NIN: variants seen among roughly 807,000 people sequenced by gnomAD.
The protein encoded by NIN is ninein.
Under a neutral mutation model 257.6 loss-of-function variants are expected in NIN, and 137 were observed. The ratio of observed to expected loss-of-function variants is 0.53; its 90% CI spans 0.46 to 0.61. The LOEUF is 0.61. Among genes scored for constraint, NIN ranks in the 20% least tolerant of loss-of-function variants. The pLI is 0.00. For synonymous variants in NIN, 918 were observed against 919.8 expected (o/e 1.00, Z 0.04); for missense variants, 2,439 against 2,501.2 (o/e 0.98, Z 0.53).
At chr14:50,737,745 A>G (rs2041065459) in intron 27 of NIN, among the ~76,000 whole-genome samples, 1 of 150,544 alleles carries the variant, frequency 6.6e-6, no homozygotes, top group South Asian at 2.1e-4. Context: ...CCTGGGTTCC[A>G]GCAATTCTCC....
At chr14:50,800,515 A>T (rs1393054397) in intron 4 of NIN, among the ~76,000 whole-genome samples, 2 of 152,342 alleles carry the variant, frequency 1.3e-5, no homozygotes, top group Non-Finnish European at 2.9e-5. Flanking sequence ...TCACTACTTT[A>T]AATGACTAAC....
chr14:50,761,816 A>G lies in NIN; in HGVS notation c.1870T>C (p.Cys624Arg). 1 of 1,614,216 alleles carries G rather than the reference A, an allele frequency of 6.2e-7. No homozygotes were observed. Among genetic ancestry groups the G allele is most frequent in the African/African-American group, 1.3e-5 (1 of 75,076 alleles). The change falls in exon 16 of 31, where the codon TGC (cysteine) becomes CGC (arginine). Residue 624 changes from cysteine to arginine, a missense_variant. By Grantham distance (180) the Cys-to-Arg change is radical. Transcript: ENST00000530997. ...TTATCTTCGAGCTCCAGTCTGAGGC[A>G]ACATATGTCCCTGTGATGTTGTTCT... ...MKEQHHRDIC[C>R]LRLELEDKVR...
At position 50,823,168 on chromosome 14, in the gene NIN, T is replaced by C. The variant is rs745630079; in HGVS notation, c.-21-1091A>G. 7.4e-6 allele frequency: 4 copies of C among 537,102 alleles called. No individual in the cohort carries two copies. The African/African-American group carries it at 7.9e-5, about 11-fold the overall frequency. The allele number at this position is 537,102 out of a possible 1,614,324, so 33.3% of individuals were successfully genotyped here. ...AATGAAATCTGTGGTTTTTTTTTTT[T>C]CCTTGCATGACAGTTCATTTTTAAC... On this transcript the variant is annotated intron_variant, in intron 2 of 30. Transcript: ENST00000530997.
chr14:50,790,684 G>A (rs769984437), intron 5 of NIN, among the ~76,000 whole-genome samples: 5 of 152,156 alleles, frequency 3.3e-5, no homozygotes, highest in Admixed American at 6.5e-5. Flanking sequence ...GCATCAAGAG[G>A]TCATATCTAA....
intron 22 of NIN, among the ~76,000 whole-genome samples, chr14:50,745,398 G>T (rs1261556201): frequency 6.6e-6 from 1 of 152,140 alleles, no homozygotes; most frequent in East Asian, 1.9e-4. Flanking sequence ...TAAAGAGGCT[G>T]TTTCTTACAC....
intron 5 of NIN, among the ~76,000 whole-genome samples, chr14:50,784,671 T>C (rs1471949287): frequency 6.6e-6 from 1 of 152,358 alleles, no homozygotes; most frequent in Non-Finnish European, 1.5e-5. Context: ...GATTTAGTTA[T>C]TTCACAATGT....
chr14:50,754,964 G>A, intron 18 of NIN, 97 bp from the exon 19 acceptor site: 1 of 771,042 alleles, frequency 1.3e-6, no homozygotes, highest in Non-Finnish European at 2.1e-6. Context: ...AGTATTCAAT[G>A]CCAGTTAAAA....
At chr14:50,792,487 T>G (rs897342645) in intron 5 of NIN, 2 of 556,076 alleles carry the variant, frequency 3.6e-6, no homozygotes, top group African/African-American at 1.9e-5. Flanking sequence ...ACATGACGCA[T>G]GCACAGAAAT....
chr14:50,728,148 A>T (rs2040505161), intron 29 of NIN, among the ~76,000 whole-genome samples: 1 of 152,114 alleles, frequency 6.6e-6, no homozygotes. Flanking sequence ...GTGGGTTGGA[A>T]ACAGCAGGCT....
intron 5 of NIN, among the ~76,000 whole-genome samples, chr14:50,790,044 T>C (rs2142001030): frequency 6.6e-6 from 1 of 152,272 alleles, no homozygotes; most frequent in South Asian, 2.1e-4. Context: ...ATCGAAAATG[T>C]CTTGTGTGAA....
At chr14:50,801,028 G>A (rs931496009) in intron 4 of NIN, among the ~76,000 whole-genome samples, 2 of 150,056 alleles carry the variant, frequency 1.3e-5, no homozygotes, top group African/African-American at 4.9e-5. Context: ...GTGATCCGGA[G>A]TGATCCCACC....
At chr14:50,733,521 A>C (rs893148793) in intron 28 of NIN, among the ~76,000 whole-genome samples, 4 of 152,158 alleles carry the variant, frequency 2.6e-5, no homozygotes, top group South Asian at 4.1e-4. Flanking sequence ...AGAACACTCA[A>C]TTTTCCTCCT....
chr14:50,748,020 A>G lies in NIN; in HGVS notation c.5036T>C (p.Leu1679Pro), dbSNP rs925344793. 6.2e-7 allele frequency: 1 copy of G among 1,613,468 alleles called. No homozygotes were observed. Among genetic ancestry groups the G allele is most frequent in the Non-Finnish European group, 8.5e-7 (1 of 1,179,534 alleles). Residue 1679 changes from leucine to proline, a missense_variant, in exon 22 of 31, where the codon CTC becomes CCC. Coordinates refer to ENST00000530997, the MANE Select transcript of NIN (RefSeq NM_020921.4). Reference sequence around the variant, plus strand: ...TTTCATTTTCTCCAGTTCATCTTTGAGAAGGTGGTTTTCCTGTTGCACAAT... The same window carrying G: ...TTTCATTTTCTCCAGTTCATCTTTGGGAAGGTGGTTTTCCTGTTGCACAAT... Reference protein sequence around the residue: ...THIVQQENHLLKDELEKMKQL... With the variant: ...THIVQQENHLPKDELEKMKQL...
chr14:50,789,528 G>A (rs565557241), intron 5 of NIN, among the ~76,000 whole-genome samples: 5 of 152,274 alleles, frequency 3.3e-5, no homozygotes, highest in African/African-American at 7.2e-5. Flanking sequence ...CCGAGGTTGC[G>A]CCACTGCACT....
chr14:50,804,946 C>T (rs2044256341), intron 4 of NIN, among the ~76,000 whole-genome samples: 1 of 152,344 alleles, frequency 6.6e-6, no homozygotes, highest in Middle Eastern at 3.4e-3. Flanking sequence ...CATCCTACTG[C>T]TCGGATCCCA....
chr14:50,773,665 T>C (rs1037695212), intron 7 of NIN, among the ~76,000 whole-genome samples: 4 of 152,258 alleles, frequency 2.6e-5, no homozygotes, highest in African/African-American at 7.2e-5. Flanking sequence ...ACTGAGTGTG[T>C]TGGCTTTTTG....
intron 7 of NIN, among the ~76,000 whole-genome samples, chr14:50,776,188 G>A (rs2042917601): frequency 6.6e-6 from 1 of 152,098 alleles, no homozygotes. Flanking sequence ...CTCGTTGAAA[G>A]GCACATCTTA....
chr14:50,777,278 C>A lies in NIN; in HGVS notation c.476-139G>T, dbSNP rs2042960372. On this transcript the variant is annotated intron_variant, in intron 6 of 30. Transcript: ENST00000530997. ...ATGTCAATTCCATTTTGATTTGGTCCTGAAGCTCCCATGAAACAGAATCAA... is the reference window on the plus strand; with the variant it reads ...ATGTCAATTCCATTTTGATTTGGTCATGAAGCTCCCATGAAACAGAATCAA... The A allele has an allele frequency of 4.4e-6, 3 of 680,752 alleles. 1 individual carries two copies. The Admixed American group carries it at 9.5e-5, about 22-fold the overall frequency. The allele number at this position is 680,752 out of a possible 1,614,324, so 42.2% of individuals were successfully genotyped here.
chr14:50,793,247 C>T (rs1252358681), intron 4 of NIN, among the ~76,000 whole-genome samples: 2 of 151,984 alleles, frequency 1.3e-5, no homozygotes, highest in African/African-American at 4.8e-5. Context: ...AACAAAGAGA[C>T]ACCTTGGAGG....
Sources: gnomAD v4.1 joint callset for allele counts (sites outside exome capture counted in the v4.1 genomes callset) on GRCh38, gnomAD v4.1.1 for gene constraint, MANE v1.5 for transcripts, NCBI Gene and HGNC (gene_info 2026-07-23, HGNC 2026-07-21) for gene names.